The following CDH18 variants were observed in gnomAD, a reference collection of about 807,000 sequenced individuals.
CDH18 encodes cadherin-18.
In CDH18, 31 loss-of-function variants were observed where a neutral mutation model predicts 67.9. The ratio of observed to expected loss-of-function variants is 0.46; its 90% CI spans 0.34 to 0.62. The LOEUF (loss-of-function observed/expected upper bound fraction) is 0.62, where lower values mean the gene tolerates loss of function less well. Among genes scored for constraint, CDH18 ranks in the 20% least tolerant of loss-of-function variants. The pLI is 0.01. For synonymous variants in CDH18, 362 were observed against 347.2 expected (o/e 1.04, Z -0.48); for missense variants, 890 against 975.5 (o/e 0.91, Z 1.17).
chr5:20,051,282 T>A (rs973606631), intron 2 of CDH18, among the ~76,000 whole-genome samples: 47 of 151,954 alleles, frequency 3.1e-4, no homozygotes, highest in African/African-American at 1.1e-3. Context: ...TCTCACTATC[T>A]TTTCTGACAT....
intron 1 of CDH18, among the ~76,000 whole-genome samples, chr5:20,433,182 G>C (rs1202546535): frequency 6.6e-6 from 1 of 151,086 alleles, no homozygotes; most frequent in African/African-American, 2.4e-5. Context: ...CAGTACCCAA[G>C]AATGCAACAG....
chr5:20,361,279 C>A (rs1455424601), intron 1 of CDH18, among the ~76,000 whole-genome samples: 1 of 151,912 alleles, frequency 6.6e-6, no homozygotes, highest in Admixed American at 6.6e-5. Flanking sequence ...AGATATTAAT[C>A]TGTATGCCAA....
intron 1 of CDH18, among the ~76,000 whole-genome samples, chr5:20,333,896 A>G (rs542661238): frequency 4.2e-3 from 370 of 87,692 alleles, no homozygotes; most frequent in Non-Finnish European, 8.6e-3. Context: ...AGGGCTAAAA[A>G]GACATAAGTT....
chr5:19,499,555 T>C (rs1358405635), intron 11 of CDH18, among the ~76,000 whole-genome samples: 1 of 152,070 alleles, frequency 6.6e-6, no homozygotes, highest in African/African-American at 2.4e-5. Context: ...GACATGAATT[T>C]TCTAATTTTT....
chr5:20,393,611 G>A (rs568539038), intron 1 of CDH18, among the ~76,000 whole-genome samples: 7 of 151,954 alleles, frequency 4.6e-5, no homozygotes, highest in Non-Finnish European at 8.8e-5. Context: ...ATGATGGTAT[G>A]CCTAGAAAAC....
intron 7 of CDH18, among the ~76,000 whole-genome samples, chr5:19,576,866 T>A (rs924406538): frequency 1.3e-5 from 2 of 152,296 alleles, no homozygotes; most frequent in East Asian, 1.9e-4. Context: ...AAAAGGATTT[T>A]AAAAAATTGT....
intron 1 of CDH18, among the ~76,000 whole-genome samples, chr5:20,372,965 T>C (rs185784446): frequency 6.6e-6 from 1 of 152,296 alleles, no homozygotes; most frequent in African/African-American, 2.4e-5. Context: ...AAATGGGTTA[T>C]TAATGGAATT....
chr5:20,222,813 A>G (rs1052781768), intron 2 of CDH18, among the ~76,000 whole-genome samples: 1 of 152,104 alleles, frequency 6.6e-6, no homozygotes, highest in African/African-American at 2.4e-5. Flanking sequence ...GTTTTCTGAC[A>G]GTTCTTTAAA....
Position 20,314,231 on chromosome 5 carries a change from GT to G in CDH18, c.-579-58727del. ...ATTAACTTGAAATTCAAGAATTTGA[GT>G]TTCTGTGTTAGCTTTGCTACCAGGA... On this transcript the variant is annotated intron_variant, in intron 1 of 14. Coordinates refer to the CDH18 transcript ENST00000507958. 5.3e-5 allele frequency among the ~76,000 whole-genome samples: 8 copies of G among 152,056 alleles called. 2 individuals carry two copies. Among genetic ancestry groups the G allele is most frequent in the Admixed American group, 5.3e-4 (8 of 15,236 alleles).
intron 1 of CDH18, among the ~76,000 whole-genome samples, chr5:20,525,320 T>C (rs1755981960): frequency 6.6e-6 from 1 of 151,826 alleles, no homozygotes; most frequent in Admixed American, 6.6e-5. Context: ...AGCTCCAGGG[T>C]TTTGTAGTGT....
At chr5:20,043,185 T>C (rs1227937912) in intron 2 of CDH18, among the ~76,000 whole-genome samples, 1 of 152,058 alleles carries the variant, frequency 6.6e-6, no homozygotes, top group East Asian at 1.9e-4. Context: ...ATCAGTAATG[T>C]CTACCGATAT....
chr5:19,819,348 C>G (rs1456712816), intron 3 of CDH18, among the ~76,000 whole-genome samples: 1 of 152,182 alleles, frequency 6.6e-6, no homozygotes, highest in Non-Finnish European at 1.5e-5. Flanking sequence ...CAACTAGACA[C>G]AGCCAGGAGA....
chr5:20,338,844 G>A (rs920899396), intron 1 of CDH18, among the ~76,000 whole-genome samples: 1 of 152,164 alleles, frequency 6.6e-6, no homozygotes, highest in Non-Finnish European at 1.5e-5. Flanking sequence ...CCCCAAGGTG[G>A]AAGTCTAAAA....
intron 1 of CDH18, among the ~76,000 whole-genome samples, chr5:20,366,289 A>G (rs1300415605): frequency 1.3e-5 from 2 of 152,040 alleles, no homozygotes; most frequent in African/African-American, 4.8e-5. Context: ...CTTACTCACC[A>G]CCACCACCAC....
intron 1 of CDH18, among the ~76,000 whole-genome samples, chr5:20,493,838 T>C (rs2126400973): frequency 6.6e-6 from 1 of 152,194 alleles, no homozygotes; most frequent in South Asian, 2.1e-4. Context: ...TCAGAAGTTA[T>C]AGGTCAAGCT....
chr5:20,542,265 C>T (rs1360730775), intron 1 of CDH18, among the ~76,000 whole-genome samples: 1 of 145,344 alleles, frequency 6.9e-6, no homozygotes, highest in African/African-American at 2.4e-5. Flanking sequence ...TTATTATCAT[C>T]AGCAGAAAGA....
chr5:20,114,633 A>G (rs1368832573), intron 2 of CDH18, among the ~76,000 whole-genome samples: 1 of 152,156 alleles, frequency 6.6e-6, no homozygotes, highest in African/African-American at 2.4e-5. Context: ...AATAGGTGAA[A>G]TATAATTTTT....
At chr5:20,247,570 C>T (rs1743480169) in intron 2 of CDH18, among the ~76,000 whole-genome samples, 1 of 151,978 alleles carries the variant, frequency 6.6e-6, no homozygotes. Flanking sequence ...TCGAGACCAT[C>T]CTGGCCAGCA....
chr5:19,758,704 A>G (rs1771954118), intron 3 of CDH18, among the ~76,000 whole-genome samples: 1 of 152,252 alleles, frequency 6.6e-6, no homozygotes, highest in African/African-American at 2.4e-5. Flanking sequence ...GCAGCAATTT[A>G]TCCTTCACCT....
Sources: allele counts gnomAD v4.1 joint callset (sites outside exome capture counted in the v4.1 genomes callset), GRCh38; gene constraint gnomAD v4.1.1; transcripts MANE v1.5; gene names NCBI Gene and HGNC (gene_info 2026-07-23, HGNC 2026-07-21).